The following BRCC3 variants were observed in gnomAD, a reference collection of about 807,000 sequenced individuals.
BRCC3 encodes BRCA1/BRCA2-containing complex subunit 3.
A neutral mutation model predicts 28.0 loss-of-function variants in BRCC3; 15 were observed. That is an observed-to-expected ratio of 0.54 (90% CI 0.36 to 0.82). BRCC3 has a LOEUF of 0.82. Ranked by LOEUF, BRCC3 falls within the 40% of genes least tolerant of loss-of-function variation. The pLI is 0.01. For synonymous variants in BRCC3, 66 were observed against 80.3 expected (o/e 0.82, Z 0.95); for missense variants, 109 against 225.9 (o/e 0.48, Z 3.32).
At chrX:155,111,438 G>A (rs2074321254) in intron 7 of BRCC3, among the ~76,000 whole-genome samples, 1 of 111,915 alleles carries the variant, frequency 8.9e-6, no homozygotes, top group African/African-American at 3.2e-5. Context: ...ATAGAATTGT[G>A]AGTCCATAAG....
At chrX:155,086,207 A>G in intron 5 of BRCC3, among the ~76,000 whole-genome samples, 1 of 111,894 alleles carries the variant, frequency 8.9e-6, no homozygotes, top group South Asian at 3.7e-4. Context: ...TCACAGTGGC[A>G]TCTGCATCCT....
At position 155,089,364 on chromosome X, in the gene BRCC3, C is replaced by CAT. The variant is rs1569560499; in HGVS notation, c.492+14_492+15dup. 11 of 1,016,649 alleles carry CAT rather than the reference C, an allele frequency of 1.1e-5. No homozygotes were observed. In the South Asian group the frequency reaches 1.7e-4, roughly 15 times the overall value. The allele number at this position is 1,016,649 out of a possible 1,213,427, so 83.8% of individuals were successfully genotyped here. On this transcript the variant is annotated intron_variant, in intron 6 of 10. Coordinates refer to ENST00000330045, the MANE Select transcript of BRCC3 (RefSeq NM_001018055.3). The stretch of plus-strand genomic sequence containing the variant: ...TAAGAACACAAAGGTATTGTGTGTG[C>CAT]ATGTGTGTGTGTGTGTGTGTGTGTG...
chrX:155,102,564 T>G (rs2074252703), intron 7 of BRCC3, among the ~76,000 whole-genome samples: 1 of 111,991 alleles, frequency 8.9e-6, no homozygotes, highest in Admixed American at 9.5e-5. Flanking sequence ...GGATGCCTTC[T>G]GTTTATTTAT....
intron 7 of BRCC3, among the ~76,000 whole-genome samples, chrX:155,095,412 T>C (rs183803512): frequency 9.0e-6 from 1 of 111,302 alleles, no homozygotes; most frequent in Admixed American, 9.5e-5. Context: ...GTGATTCTCC[T>C]GCCTCAGCCT....
At chrX:155,076,214 G>C (rs1285672546) in intron 3 of BRCC3, among the ~76,000 whole-genome samples, 1 of 110,385 alleles carries the variant, frequency 9.1e-6, no homozygotes, top group Non-Finnish European at 1.9e-5. Context: ...GACCAGCCTA[G>C]CCAATATGGC....
At chrX:155,085,340 A>C (rs988088228) in intron 5 of BRCC3, among the ~76,000 whole-genome samples, 1 of 112,814 alleles carries the variant, frequency 8.9e-6, no homozygotes, top group Admixed American at 9.3e-5. Flanking sequence ...CAGATTCTTC[A>C]AGAAAACTGT....
At chrX:155,072,497 G>T (rs2073993698) in intron 2 of BRCC3, among the ~76,000 whole-genome samples, 154 bp downstream of exon 2, 1 of 110,928 alleles carries the variant, frequency 9.0e-6, no homozygotes, top group Non-Finnish European at 1.9e-5. Flanking sequence ...CTTGAACTTT[G>T]GTTTCTGCCT....
chrX:155,075,334 C>T (rs1557293431), intron 3 of BRCC3, among the ~76,000 whole-genome samples: 1 of 112,397 alleles, frequency 8.9e-6, no homozygotes, highest in Non-Finnish European at 1.9e-5. Context: ...TGTGGCCACT[C>T]CCCTTGATTC....
intron 5 of BRCC3, among the ~76,000 whole-genome samples, chrX:155,085,826 C>T (rs1241661108): frequency 8.9e-6 from 1 of 111,880 alleles, no homozygotes; most frequent in African/African-American, 3.3e-5. Context: ...TCTGTCTTGA[C>T]CACGGAGATC....
chrX:155,118,584 C>A (rs1247561736), intron 9 of BRCC3, among the ~76,000 whole-genome samples: 2 of 112,609 alleles, frequency 1.8e-5, no homozygotes, highest in Non-Finnish European at 3.7e-5. Context: ...GTTTTGCAGA[C>A]TGAACAAGAA....
rs1333552520 is a variant in BRCC3 at position 155,121,373 on chromosome X, G to C, written c.*169G>C. 1 of 111,901 alleles carries C rather than the reference G, an allele frequency of 8.9e-6. No homozygotes were observed. Among genetic ancestry groups the C allele is most frequent in the Non-Finnish European group, 1.9e-5 (1 of 53,195 alleles). The allele number at this position is 111,901 out of a possible 1,213,427, so 9.2% of individuals were successfully genotyped here. A position where few individuals can be genotyped will look rare whatever the true frequency, so the allele number is the denominator to read the frequency against. ...TATTGGCAGAGGAACAGACACATAC[G>C]TCAATGGAACAGATGAGAGAACCCA... On this transcript the variant is annotated 3_prime_UTR_variant, in exon 11 of 11. Transcript: ENST00000330045.
At chrX:155,086,574 G>C (rs1308635421) in intron 5 of BRCC3, among the ~76,000 whole-genome samples, 2 of 110,305 alleles carry the variant, frequency 1.8e-5, no homozygotes, top group East Asian at 2.9e-4. Context: ...GGCCAGGCTG[G>C]TCTCAAACTC....
At chrX:155,085,994 G>T (rs184520330) in intron 5 of BRCC3, among the ~76,000 whole-genome samples, 2 of 111,599 alleles carry the variant, frequency 1.8e-5, no homozygotes. Flanking sequence ...AAGCGCTCTC[G>T]ATATGAGTTT....
chrX:155,083,324 T>G (rs1031521551), intron 5 of BRCC3, among the ~76,000 whole-genome samples: 3 of 112,236 alleles, frequency 2.7e-5, no homozygotes, highest in Non-Finnish European at 3.8e-5. Context: ...ACCTCTGAAT[T>G]CCCCGTTTCT....
chrX:155,081,229 G>A (rs2074083102), intron 5 of BRCC3, among the ~76,000 whole-genome samples: 1 of 109,139 alleles, frequency 9.2e-6, no homozygotes, highest in Admixed American at 9.8e-5. Context: ...TACTGGGGAG[G>A]CTAAGGCAGG....
rs1202334678 is a variant in BRCC3 at position 155,122,724 on chromosome X, CAAAA to C, written c.*1527_*1530del. On this transcript the variant is annotated 3_prime_UTR_variant, in exon 11 of 11. Transcript: ENST00000330045. ...TGTACCTCAGGGGTATTATGGTGAA[CAAAA>C]AAAAAACCAGTCTCAAATGGTCACA... 22 of 102,796 alleles carry C rather than the reference CAAAA, an allele frequency of 2.1e-4. No homozygotes were observed. Among genetic ancestry groups the C allele is most frequent in the Non-Finnish European group, 4.2e-4 (21 of 49,841 alleles). 8.5% of individuals were successfully genotyped at this position (102,796 alleles called of 1,213,427 possible). A position where few individuals can be genotyped will look rare whatever the true frequency, so the allele number is the denominator to read the frequency against.
At chrX:155,096,033 C>G (rs1173277171) in intron 7 of BRCC3, among the ~76,000 whole-genome samples, 1 of 112,003 alleles carries the variant, frequency 8.9e-6, no homozygotes, top group Non-Finnish European at 1.9e-5. Context: ...CAGGACGCAT[C>G]TCCATCAATA....
At chrX:155,078,068 G>A (rs1238051559) in intron 4 of BRCC3, among the ~76,000 whole-genome samples, 1 of 112,417 alleles carries the variant, frequency 8.9e-6, no homozygotes, top group Non-Finnish European at 1.9e-5. Context: ...TAAACACCGT[G>A]TGTGGATTAT....
At chrX:155,115,966 C>T in intron 7 of BRCC3, 91 bp from the exon 8 acceptor site, 1 of 876,142 alleles carries the variant, frequency 1.1e-6, no homozygotes, top group Non-Finnish European at 1.6e-6. Flanking sequence ...TTAAAGTATG[C>T]CATATCCCAA....
Sources: gnomAD v4.1 joint callset for allele counts (sites outside exome capture counted in the v4.1 genomes callset) on GRCh38, gnomAD v4.1.1 for gene constraint, MANE v1.5 for transcripts, NCBI Gene and HGNC (gene_info 2026-07-23, HGNC 2026-07-21) for gene names.